HECTD4: variants seen among roughly 807,000 people sequenced by gnomAD.
HECTD4 encodes the protein probable E3 ubiquitin-protein ligase HECTD4.
Under a neutral mutation model 471.5 loss-of-function variants are expected in HECTD4, and 114 were observed. That is an observed-to-expected ratio of 0.24 (90% CI 0.21 to 0.28). The LOEUF (loss-of-function observed/expected upper bound fraction) is 0.28. HECTD4 is among the 10% of genes least tolerant of loss of function. HECTD4 has a pLI of 1.00. For synonymous variants in HECTD4, 2,012 were observed against 2,256.0 expected, an observed-to-expected ratio of 0.89 and a Z score of 3.07; for missense variants, 3,866 against 5,651.5, an observed-to-expected ratio of 0.68 and a Z score of 10.13.
rs140868037 is a variant in HECTD4, at chr12:112,184,508, G to A, written c.10458C>T (p.Ser3486=). The part of the protein sequence containing the change: ...SLTPAMSISA[S]ASTSQASICS... ...AGATGGAGGCCTGGCTGGTGGAGGCGGAGGCGCTGATGCTCATGGCGGGGG... is the reference window on the plus strand; with the variant it reads ...AGATGGAGGCCTGGCTGGTGGAGGCAGAGGCGCTGATGCTCATGGCGGGGG... Residue 3486 remains serine (S), a synonymous_variant, in exon 61 of 76, where the codon TCC becomes TCT. Coordinates refer to ENST00000682272, the MANE Select transcript of HECTD4 (RefSeq NM_001388303.1). This position sits in a 1 kb window ranked among gnomAD's most constrained non-coding sequence, Gnocchi z 9.1. The A allele has an allele frequency of 5.3e-4, 854 of 1,610,678 alleles. 8 individuals are homozygous for A. In the East Asian group the frequency reaches 0.017, roughly 33 times the overall value.
At chr12:112,341,013 C>T (rs11609720) in intron 1 of HECTD4, among the ~76,000 whole-genome samples, 1 of 152,182 alleles carries the variant, frequency 6.6e-6, no homozygotes, top group African/African-American at 2.4e-5. Context: ...ATAACATTTA[C>T]TAATATTATT....
Position 112,216,907 on chromosome 12 carries a change from G to T in HECTD4, c.7251C>A (p.Tyr2417Ter). Reference protein sequence around the residue: ...SPLPVQAPSFYWEIEIVSYGD... With the variant: ...SPLPVQAPSF ...CATAGGAAACGATTTCAATTTCCCA[G>T]TAAAAAGACGGGGCCTGAAGAGATG... Residue 2417 changes from tyrosine (Y) to a stop codon, truncating the protein, a stop_gained, in exon 47 of 76, where the codon TAC (tyrosine) becomes TAA (stop). Coordinates refer to ENST00000682272, the MANE Select transcript of HECTD4 (RefSeq NM_001388303.1). LOFTEE classifies it high-confidence loss of function. 6.2e-7 allele frequency: 1 copy of T among 1,613,938 alleles called. No individual in the cohort carries two copies. The highest frequency in any genetic ancestry group is 8.5e-7 in the Non-Finnish European group (1 of 1,179,816).
At chr12:112,204,112 G>A (rs1231347864) in intron 53 of HECTD4, among the ~76,000 whole-genome samples, 14 of 152,120 alleles carry the variant, frequency 9.2e-5, no homozygotes, top group African/African-American at 2.4e-4. Flanking sequence ...GTGTGATCTC[G>A]GCTCACTGCA....
At chr12:112,217,306 CACACACACACAT>C (rs2032946703) in intron 45 of HECTD4, 111 bp from the exon 46 acceptor site, 1 of 606,652 alleles carries the variant, frequency 1.6e-6, no homozygotes, top group Non-Finnish European at 2.6e-6. Flanking sequence ...GGCATACACA[CACACACACACAT>C]ACACACACAC....
chr12:112,277,373 C>T (rs562666029), intron 9 of HECTD4, among the ~76,000 whole-genome samples: 62 of 152,342 alleles, frequency 4.1e-4, no homozygotes, highest in Non-Finnish European at 7.8e-4. Context: ...CCTGCTTCTC[C>T]TTTGCCTTCC....
chr12:112,192,953 T>C, intron 58 of HECTD4, 108 bp downstream of exon 58: 3 of 1,373,780 alleles, frequency 2.2e-6, no homozygotes, highest in Admixed American at 3.9e-5. Flanking sequence ...TTGTAAGTCA[T>C]TTGCATTAAA....
intron 1 of HECTD4, among the ~76,000 whole-genome samples, chr12:112,323,961 T>C (rs373562131): frequency 0.053 from 2,311 of 43,204 alleles, 167 homozygotes; most frequent in South Asian, 0.079. Context: ...TTTCTTTCTT[T>C]CTTTCTTCCT....
At chr12:112,356,908 T>C (rs1418794526) in intron 1 of HECTD4, among the ~76,000 whole-genome samples, 2 of 152,232 alleles carry the variant, frequency 1.3e-5, no homozygotes, top group African/African-American at 4.8e-5. Flanking sequence ...GTTTAGGCAC[T>C]ATAAGTCTCT....
intron 1 of HECTD4, among the ~76,000 whole-genome samples, chr12:112,342,888 A>G (rs1367853683): frequency 6.6e-6 from 1 of 152,256 alleles, no homozygotes; most frequent in African/African-American, 2.4e-5. Context: ...GTAACAGTTA[A>G]AATGAAGCAT....
intron 4 of HECTD4, 49 bp from the exon 5 acceptor site, chr12:112,309,718 A>G (rs1157392632): frequency 3.5e-6 from 3 of 862,144 alleles, no homozygotes; most frequent in Non-Finnish European, 5.3e-6. Context: ...TTTTCTATTG[A>G]AATTATAAAC....
At chr12:112,283,557 T>C (rs2034689249) in intron 7 of HECTD4, among the ~76,000 whole-genome samples, 1 of 152,214 alleles carries the variant, frequency 6.6e-6, no homozygotes, top group Non-Finnish European at 1.5e-5. Flanking sequence ...TAAAATTCCT[T>C]ACACTGGATT....
chr12:112,188,108 G>GA lies in HECTD4; in HGVS notation c.9473-2616dup, dbSNP rs1469246372. ...CTGAGACCAGCCTGGCTAACATGGTGAAATCCTGTTTCTACTAAAAATACA... is the reference window on the plus strand; with the variant it reads ...CTGAGACCAGCCTGGCTAACATGGTGAAAATCCTGTTTCTACTAAAAATACA... On this transcript the variant is annotated intron_variant, in intron 60 of 75. Coordinates refer to ENST00000682272, the MANE Select transcript of HECTD4 (RefSeq NM_001388303.1). This position sits in a 1 kb window ranked among gnomAD's most constrained non-coding sequence, Gnocchi z 4.2. 2.0e-5 allele frequency among the ~76,000 whole-genome samples: 3 copies of GA among 151,960 alleles called. No homozygotes were observed. Among genetic ancestry groups the GA allele is most frequent in the Non-Finnish European group, 4.4e-5 (3 of 67,990 alleles).
intron 1 of HECTD4, among the ~76,000 whole-genome samples, chr12:112,373,970 C>T (rs1452831380): frequency 6.7e-6 from 1 of 149,798 alleles, no homozygotes; most frequent in African/African-American, 2.5e-5. Flanking sequence ...TGCTATTGCG[C>T]TCCAGCCTAG....
At chr12:112,234,951 G>A in intron 37 of HECTD4, 126 bp downstream of exon 37, 1 of 739,778 alleles carries the variant, frequency 1.4e-6, no homozygotes. Flanking sequence ...CACAGTGACA[G>A]TGTCTACCTG....
Position 112,212,560 on chromosome 12 carries a change from C to T in HECTD4, c.7556G>A (p.Cys2519Tyr). Residue 2519 changes from cysteine (C) to tyrosine (Y), a missense_variant, in exon 49 of 76, where the codon TGC becomes TAC. Physicochemically the swap from Cys to Tyr is radical, Grantham distance 194. This residue lies in a region of HECTD4 where 617 missense variants were observed against 915.1 expected (regional missense o/e 0.67). Coordinates refer to ENST00000682272, the MANE Select transcript of HECTD4 (RefSeq NM_001388303.1). ...AAGATATGGTGAGAGGCGCTGCCCG[C>T]AGTATGTGAAGTACACCCGGCCCTT... ...PAKGRVYFTY[C>Y]GQRLSPYLED... 1 of 1,613,868 alleles carries T rather than the reference C, an allele frequency of 6.2e-7. No homozygotes were observed.
rs890653160 is a variant in HECTD4 at position 112,382,087 on chromosome 12, GGCCGCCGCC to G, written c.33_41del (p.Ala13_Ala15del). 46 of 1,225,398 alleles carry G rather than the reference GGCCGCCGCC, an allele frequency of 3.8e-5. No homozygotes were observed. Among genetic ancestry groups the G allele is most frequent in the Admixed American group, 4.3e-5 (1 of 23,332 alleles). 75.9% of individuals were successfully genotyped at this position (1,225,398 alleles called of 1,614,324 possible). ...CCGAGAGCCACTGCGCCGAGTCAGC[GGCCGCCGCC>G]GCCGCCGCCGCCGCGGCCGCCGACG... is the stretch of plus-strand genomic sequence containing the variant. On this transcript the variant is annotated inframe_deletion, in exon 1 of 76. Transcript: ENST00000682272.
intron 1 of HECTD4, among the ~76,000 whole-genome samples, chr12:112,331,023 ATG>A (rs1340344724): frequency 1.3e-5 from 2 of 152,198 alleles, no homozygotes; most frequent in Admixed American, 1.3e-4. Context: ...ACCTCAGAAT[ATG>A]TGAGGATGGG....
chr12:112,371,341 C>A (rs1304535848), intron 1 of HECTD4, among the ~76,000 whole-genome samples: 1 of 151,950 alleles, frequency 6.6e-6, no homozygotes, highest in Non-Finnish European at 1.5e-5. Context: ...TCTGGAAGGC[C>A]GAGGTGGGTG....
intron 1 of HECTD4, among the ~76,000 whole-genome samples, chr12:112,348,273 T>C (rs1256358757): frequency 6.6e-6 from 1 of 152,176 alleles, no homozygotes; most frequent in Non-Finnish European, 1.5e-5. Context: ...TTTCTATTTT[T>C]ATAAGCGACC....
Sources: allele counts gnomAD v4.1 joint callset (sites outside exome capture counted in the v4.1 genomes callset), GRCh38; gene constraint gnomAD v4.1.1; regional missense constraint gnomAD v4.1.1; non-coding constraint Gnocchi (gnomAD v3.1); transcripts MANE v1.5; gene names NCBI Gene and HGNC (gene_info 2026-07-23, HGNC 2026-07-21).